Variants in IFT43 observed in about 807,000 individuals in gnomAD.
IFT43 encodes intraflagellar transport protein 43 homolog.
In IFT43, 33 loss-of-function variants were observed where a neutral mutation model predicts 32.3. The observed-to-expected ratio is 1.02, with a 90% confidence interval of 0.77 to 1.37. The LOEUF is 1.37. IFT43 is among the 40% of genes most tolerant of loss of function. The pLI, the probability that IFT43 is intolerant of heterozygous loss-of-function variation, is 0.00. For synonymous variants in IFT43, 93 were observed against 98.2 expected (o/e 0.95, Z 0.31); for missense variants, 274 against 265.9 (o/e 1.03, Z -0.21).
intron 2 of IFT43, among the ~76,000 whole-genome samples, chr14:76,014,819 C>T (rs1481269516): frequency 2.0e-5 from 3 of 152,224 alleles, no homozygotes; most frequent in African/African-American, 7.2e-5. Context: ...TGGAAGTGCC[C>T]CATGGCTGAG....
chr14:76,007,985 C>A (rs1218122311), intron 2 of IFT43, among the ~76,000 whole-genome samples: 1 of 152,208 alleles, frequency 6.6e-6, no homozygotes, highest in Non-Finnish European at 1.5e-5. Context: ...CTACTGGCAG[C>A]CCTATCCCAT....
intron 1 of IFT43, among the ~76,000 whole-genome samples, chr14:75,986,682 C>G (rs768309117): frequency 6.6e-6 from 1 of 152,160 alleles, no homozygotes; most frequent in Non-Finnish European, 1.5e-5. Flanking sequence ...ATTCAAGACC[C>G]AAGTTCAGTG....
At chr14:76,066,056 C>G (rs1175280515) in intron 5 of IFT43, among the ~76,000 whole-genome samples, 2 of 152,224 alleles carry the variant, frequency 1.3e-5, no homozygotes, top group Non-Finnish European at 2.9e-5. Context: ...CAGGCTCTAA[C>G]AAATGGTACA....
chr14:76,015,109 T>C (rs2036160560), intron 2 of IFT43, among the ~76,000 whole-genome samples: 2 of 152,150 alleles, frequency 1.3e-5, no homozygotes, highest in Admixed American at 1.3e-4. Flanking sequence ...GGTAACAAGG[T>C]TGATTTCTGG....
intron 3 of IFT43, among the ~76,000 whole-genome samples, chr14:76,050,588 C>G (rs750830066): frequency 2.6e-5 from 4 of 152,036 alleles, no homozygotes; most frequent in Admixed American, 6.6e-5. Context: ...TCTTGAGTAT[C>G]TGGGATTACA....
At chr14:75,998,983 C>G (rs933188739) in intron 2 of IFT43, among the ~76,000 whole-genome samples, 1 of 152,058 alleles carries the variant, frequency 6.6e-6, no homozygotes, top group African/African-American at 2.4e-5. Context: ...AGTCCTCCCA[C>G]CTTGGCCTCC....
intron 5 of IFT43, among the ~76,000 whole-genome samples, chr14:76,080,209 G>A (rs1393478380): frequency 2.0e-5 from 3 of 152,256 alleles, no homozygotes; most frequent in Admixed American, 6.5e-5. Flanking sequence ...CCACTCAGGC[G>A]GTTCACCGGG....
chr14:75,990,779 G>A (rs1304798348), intron 2 of IFT43, among the ~76,000 whole-genome samples: 1 of 152,184 alleles, frequency 6.6e-6, no homozygotes. Flanking sequence ...AAGAGAAAAC[G>A]CGGAAGCAAA....
chr14:75,999,048 AT>A (rs1245346820), intron 2 of IFT43, among the ~76,000 whole-genome samples: 2 of 150,588 alleles, frequency 1.3e-5, no homozygotes, highest in Admixed American at 1.3e-4. Flanking sequence ...ACATCTCTTT[AT>A]TTTTTTCTCT....
rs577806634 is a variant in IFT43 at position 76,045,563 on chromosome 14, G to T, written c.216-13079G>T. ...GGAGAGGTCCAGGGCTTAGCAGCCCGGGGCTGTAGGCACCCCCAGAGCCAG... is the reference window on the plus strand; with the variant it reads ...GGAGAGGTCCAGGGCTTAGCAGCCCTGGGCTGTAGGCACCCCCAGAGCCAG... On this transcript the variant is annotated intron_variant, in intron 3 of 8. Coordinates refer to ENST00000314067, the MANE Select transcript of IFT43 (RefSeq NM_001102564.3). Among the ~76,000 whole-genome samples, 31 of 152,304 alleles carry T rather than the reference G, an allele frequency of 2.0e-4. No individual in the cohort carries two copies. The South Asian group carries it at 2.1e-3, about 10-fold the overall frequency.
intron 3 of IFT43, among the ~76,000 whole-genome samples, chr14:76,057,805 T>G (rs1054141554): frequency 6.6e-6 from 1 of 152,164 alleles, no homozygotes; most frequent in African/African-American, 2.4e-5. Context: ...AACCCTATGA[T>G]GACAGAATAG....
intron 5 of IFT43, among the ~76,000 whole-genome samples, chr14:76,079,177 G>A (rs554140748): frequency 5.4e-4 from 82 of 152,302 alleles, no homozygotes; most frequent in Admixed American, 1.5e-3. Flanking sequence ...CTCAGGCATC[G>A]CAGCCACATT....
chr14:76,000,769 A>G (rs1360634537), intron 2 of IFT43, among the ~76,000 whole-genome samples: 1 of 152,174 alleles, frequency 6.6e-6, no homozygotes, highest in South Asian at 2.1e-4. Flanking sequence ...AGTGGGAGAG[A>G]AGGAGAGTCT....
chr14:76,034,808 C>A (rs1162458099), intron 3 of IFT43, among the ~76,000 whole-genome samples: 1 of 152,224 alleles, frequency 6.6e-6, no homozygotes, highest in Admixed American at 6.5e-5. Context: ...GGGATCACTA[C>A]CAGTCCCTTC....
chr14:76,036,273 A>G (rs1219123781), intron 3 of IFT43, among the ~76,000 whole-genome samples: 2 of 152,186 alleles, frequency 1.3e-5, no homozygotes, highest in African/African-American at 4.8e-5. Context: ...GGTGGATTGT[A>G]AACAGAACAA....
intron 5 of IFT43, among the ~76,000 whole-genome samples, chr14:76,062,917 C>CAAAAAAAAAAAAAAAAAAAA (rs746158153): frequency 3.9e-4 from 28 of 72,474 alleles, no homozygotes; most frequent in African/African-American, 1.5e-3. Flanking sequence ...GATCCCATCT[C>CAAAAAAAAAAAAAAAAAAAA]AAAAAAAAAA....
chr14:76,037,913 G>A (rs1222056776), intron 3 of IFT43, among the ~76,000 whole-genome samples: 2 of 152,176 alleles, frequency 1.3e-5, no homozygotes, highest in Non-Finnish European at 1.5e-5. Flanking sequence ...ATTGAAAAGG[G>A]TGTCCCTGGT....
chr14:76,004,163 TCCA>T (rs1163204856), intron 2 of IFT43, among the ~76,000 whole-genome samples: 1 of 152,226 alleles, frequency 6.6e-6, no homozygotes, highest in Non-Finnish European at 1.5e-5. Context: ...GATCTAAGTT[TCCA>T]TCTGGGGGTG....
intron 4 of IFT43, 146 bp downstream of exon 4, chr14:76,058,820 G>A (rs2037075738): frequency 1.3e-6 from 2 of 1,562,866 alleles, no homozygotes; most frequent in Admixed American, 1.9e-5. Context: ...CTGAATCCAA[G>A]GTTTGGTTAA....
Sources: gnomAD v4.1 joint callset for allele counts (sites outside exome capture counted in the v4.1 genomes callset) on GRCh38, gnomAD v4.1.1 for gene constraint, MANE v1.5 for transcripts, NCBI Gene and HGNC (gene_info 2026-07-23, HGNC 2026-07-21) for gene names.